Variants in PML observed in about 807,000 individuals in gnomAD.
PML encodes protein PML.
Under a neutral mutation model 65.2 loss-of-function variants are expected in PML, and 28 were observed. The observed-to-expected ratio is 0.43, with a 90% CI of 0.32 to 0.59. The LOEUF is 0.59. Ranked by LOEUF, PML falls within the 20% of genes least tolerant of loss-of-function variation. PML has a pLI of 0.08. For synonymous variants in PML, 500 were observed against 508.8 expected, an observed-to-expected ratio of 0.98 and a Z score of 0.23; for missense variants, 1,021 against 1,203.4, an observed-to-expected ratio of 0.85 and a Z score of 2.24.
intron 2 of PML, among the ~76,000 whole-genome samples, chr15:74,003,250 G>A (rs973317563): frequency 3.3e-5 from 5 of 152,154 alleles, no homozygotes; most frequent in Non-Finnish European, 1.5e-5. Context: ...TCACCAACAT[G>A]GTGAAACCTC....
rs772391650 is a variant in PML, at chr15:74,033,316, C to T, written c.1559C>T (p.Pro520Leu). The T allele has an allele frequency of 1.2e-6, 2 of 1,614,190 alleles. No individual in the cohort carries two copies. The highest frequency in any genetic ancestry group is 2.2e-5 in the East Asian group (1 of 44,874). Residue 520 changes from proline to leucine, a missense_variant, in exon 6 of 9, where the codon CCC becomes CTC. Physicochemically the swap from Pro to Leu is moderately conservative, Grantham distance 98. Transcript: ENST00000268058. ...RPSTSKAVSP[P>L]HLDGPPSPRS... is the part of the protein sequence containing the mutation. ...AGCACCTCCAAGGCAGTCTCACCAC[C>T]CCACCTGGATGGACCGCCTAGCCCC...
intron 2 of PML, among the ~76,000 whole-genome samples, chr15:74,000,904 C>A (rs2069731767): frequency 6.6e-6 from 1 of 152,144 alleles, no homozygotes; most frequent in South Asian, 2.1e-4. Context: ...TGCTCTAGAA[C>A]AATTTGAAGA....
rs549304914 is a variant in PML, at chr15:74,045,699, G to T, written c.*691G>T. The T allele has an allele frequency of 3.4e-5, 8 of 233,870 alleles. No individual in the cohort carries two copies. Among genetic ancestry groups the T allele is most frequent in the East Asian group, 1.8e-4 (3 of 16,566 alleles). The allele number at this position is 233,870 out of a possible 1,614,324, so 14.5% of individuals were successfully genotyped here. ...CTGCTTGGCCACAGCTTTGCTCTTT[G>T]GTCCTCAGGCCACCAGACCCCTCAC... On this transcript the variant is annotated 3_prime_UTR_variant, in exon 9 of 9. Coordinates refer to ENST00000268058, the MANE Select transcript of PML (RefSeq NM_033238.3).
At chr15:74,024,721 C>G (rs990020885) in intron 3 of PML, 136 bp from the exon 4 acceptor site, 9 of 727,100 alleles carry the variant, frequency 1.2e-5, no homozygotes, top group Non-Finnish European at 2.3e-5. Flanking sequence ...AGGGAGTTGT[C>G]CAGTGCTTTG....
rs781759664 is a variant in PML at position 73,998,255 on chromosome 15, T to C, written c.381T>C (p.Ala127=). ...SVYRQIVDAQ[A]VCTRCKESAD... ...ACCGGCAGATTGTGGATGCGCAGGC[T>C]GTGTGCACCCGCTGCAAAGAGTCGG... Residue 127 remains alanine (A), a synonymous_variant, in exon 2 of 9, where the codon GCT becomes GCC. Transcript: ENST00000268058. 50 of 1,614,034 alleles carry C rather than the reference T, an allele frequency of 3.1e-5. No homozygotes were observed. In the Admixed American group the frequency reaches 7.0e-4, roughly 23 times the overall value.
At position 74,035,728 on chromosome 15, in the gene PML, C is replaced by T. The variant is rs541612791; in HGVS notation, c.1710+1198C>T. The T allele has an allele frequency of 6.2e-7, 1 of 1,614,214 alleles. No homozygotes were observed. The highest frequency in any genetic ancestry group is 8.5e-7 in the Non-Finnish European group (1 of 1,180,034). ...AACTTTTTTGCCCTCCCCTTCTCCT[C>T]CATGGCTTCCCAGCTTGACATGTCT... On this transcript the variant is annotated intron_variant, in intron 7 of 8. Transcript: ENST00000268058. This position sits in a 1 kb window ranked among gnomAD's most constrained non-coding sequence, Gnocchi z 4.1.
rs1429883570 is a variant in PML at position 73,994,838 on chromosome 15, C to T, written c.26C>T (p.Pro9Leu). Reference protein sequence around the residue: MEPAPARSPRPQQDPARPQ... With the variant: MEPAPARSLRPQQDPARPQ... ...ATGGAGCCTGCACCCGCCCGATCTC[C>T]GAGGCCCCAGCAGGACCCCGCCCGG... Residue 9 changes from proline (P) to leucine (L), a missense_variant, in exon 1 of 9, where the codon CCG becomes CTG. Transcript: ENST00000268058. 6.4e-6 allele frequency: 10 copies of T among 1,558,394 alleles called. No homozygotes were observed. Among genetic ancestry groups the T allele is most frequent in the Middle Eastern group, 1.7e-4 (1 of 5,924 alleles).
At position 74,044,891 on chromosome 15, in the gene PML, G is replaced by A. The variant is rs202247557; in HGVS notation, c.2532G>A (p.Gln844=). The A allele has an allele frequency of 2.4e-5, 38 of 1,613,576 alleles. No individual in the cohort carries two copies. The highest frequency in any genetic ancestry group is 6.7e-5 in the African/African-American group (5 of 75,068). ...CTGCCCAGCCTGCTTTCAACCTGCA[G>A]GCTCTGGGCACCTACTTTGAAGGCC... ...LPPAQPAFNL[Q]ALGTYFEGLL... The change falls in exon 9 of 9, where the codon CAG becomes CAA. Residue 844 remains glutamine (Q), a synonymous_variant. Coordinates refer to ENST00000268058, the MANE Select transcript of PML (RefSeq NM_033238.3).
intron 7 of PML, chr15:74,036,884 G>A (rs894703957): frequency 3.7e-5 from 35 of 958,132 alleles, no homozygotes; most frequent in Admixed American, 1.2e-4. Flanking sequence ...TCCCTCAGCC[G>A]GTCCTCTCAG....
intron 2 of PML, among the ~76,000 whole-genome samples, chr15:74,015,901 C>G (rs1246290883): frequency 6.6e-6 from 1 of 152,204 alleles, no homozygotes; most frequent in African/African-American, 2.4e-5. Flanking sequence ...TAACACATAC[C>G]ACTCTTGGCA....
chr15:74,030,425 G>T (rs1177902551), intron 4 of PML, among the ~76,000 whole-genome samples: 1 of 152,150 alleles, frequency 6.6e-6, no homozygotes, highest in Non-Finnish European at 1.5e-5. Context: ...GAGGCGGGTG[G>T]ATCACCTGAG....
chr15:74,022,751 G>A, intron 2 of PML, 77 bp from the exon 3 acceptor site: 1 of 1,150,318 alleles, frequency 8.7e-7, no homozygotes, highest in East Asian at 2.4e-5. Context: ...ATTTTTGGAA[G>A]AGGAATTTAA....
chr15:74,020,234 G>A (rs2141823325), intron 2 of PML, among the ~76,000 whole-genome samples: 1 of 151,190 alleles, frequency 6.6e-6, no homozygotes, highest in Non-Finnish European at 1.5e-5. Context: ...GTTGATCTCA[G>A]TGTAGTCCCA....
At chr15:74,014,033 A>G (rs2070450377) in intron 2 of PML, among the ~76,000 whole-genome samples, 1 of 152,166 alleles carries the variant, frequency 6.6e-6, no homozygotes, top group Non-Finnish European at 1.5e-5. Flanking sequence ...AAAATTTCTC[A>G]CTGCTGACAC....
In PML at chr15:74,046,556, T is replaced by C. The variant is rs376226267; in HGVS notation, c.*1548T>C. 2.2e-5 allele frequency: 5 copies of C among 232,400 alleles called. No individual in the cohort carries two copies. Among genetic ancestry groups the C allele is most frequent in the East Asian group, 6.1e-5 (1 of 16,506 alleles). 14.4% of individuals were successfully genotyped at this position (232,400 alleles called of 1,614,324 possible). ...GGAGTGCTGGCTCTCACAGTGAATT[T>C]TGATGCATTTAAAATAAGATTCTGA... On this transcript the variant is annotated 3_prime_UTR_variant, in exon 9 of 9. Coordinates refer to ENST00000268058, the MANE Select transcript of PML (RefSeq NM_033238.3).
Position 74,043,971 on chromosome 15 carries a change from G to A in PML, c.1862-250G>A, listed in dbSNP as rs544257415. Reference sequence around the variant, plus strand: ...TTTGGCCAACTCTGGGGCCGGTAGTGGAGGAGGGGAGAGCTGGATCCCCAG... The same window carrying A: ...TTTGGCCAACTCTGGGGCCGGTAGTAGAGGAGGGGAGAGCTGGATCCCCAG... On this transcript the variant is annotated intron_variant, in intron 8 of 8. Transcript: ENST00000268058. This position sits in a 1 kb window ranked among gnomAD's most constrained non-coding sequence, Gnocchi z 4.3. Among the ~76,000 whole-genome samples the A allele has an allele frequency of 2.5e-4, 38 of 152,310 alleles. No homozygotes were observed. Among genetic ancestry groups the A allele is most frequent in the African/African-American group, 8.7e-4 (36 of 41,564 alleles).
intron 2 of PML, among the ~76,000 whole-genome samples, chr15:74,016,303 A>T (rs1196478325): frequency 6.6e-6 from 1 of 151,824 alleles, no homozygotes; most frequent in African/African-American, 2.4e-5. Context: ...AAAAATAAAT[A>T]AATAAAATAA....
intron 2 of PML, among the ~76,000 whole-genome samples, chr15:74,004,609 C>T (rs1053643947): frequency 6.6e-6 from 1 of 151,984 alleles, no homozygotes; most frequent in Non-Finnish European, 1.5e-5. Flanking sequence ...TGCTAAAGAT[C>T]TTTATATAAT....
intron 1 of PML, among the ~76,000 whole-genome samples, chr15:73,995,414 T>C (rs2069433687): frequency 1.3e-5 from 2 of 152,212 alleles, no homozygotes; most frequent in South Asian, 4.1e-4. Flanking sequence ...AGAGGTATCT[T>C]TGCCAAGGCC....
Sources: gnomAD v4.1 joint callset for allele counts (sites outside exome capture counted in the v4.1 genomes callset) on GRCh38, gnomAD v4.1.1 for gene constraint, Gnocchi (gnomAD v3.1) non-coding constraint, MANE v1.5 for transcripts, NCBI Gene and HGNC (gene_info 2026-07-23, HGNC 2026-07-21) for gene names.